The following LRP1B variants were observed in gnomAD, a reference collection of about 807,000 sequenced individuals.
LRP1B encodes LDL receptor related protein 1B, also known as low-density lipoprotein receptor-related protein 1B.
Under a neutral mutation model 556.6 loss-of-function variants are expected in LRP1B, and 217 were observed. The observed-to-expected ratio is 0.39, with a 90% confidence interval of 0.35 to 0.44. The LOEUF (loss-of-function observed/expected upper bound fraction) is 0.44. LRP1B is among the 20% of genes least tolerant of loss of function. The probability of loss-of-function intolerance (pLI) is 1.00; values close to 1 mark genes in which losing one functional copy is unlikely to be tolerated. For missense variants in LRP1B, 5,053 were observed against 5,620.8 expected (o/e 0.90, Z 3.23); for synonymous variants, 2,047 against 1,865.8 (o/e 1.10, Z -2.50).
chr2:141,738,209 GA>G (rs1180994610), intron 2 of LRP1B, among the ~76,000 whole-genome samples: 2 of 151,994 alleles, frequency 1.3e-5, no homozygotes, highest in Non-Finnish European at 2.9e-5. Context: ...AAAAATTAAA[GA>G]AAAAAATTAC....
intron 32 of LRP1B, among the ~76,000 whole-genome samples, chr2:140,793,762 T>C (rs1003135372): frequency 1.3e-5 from 2 of 152,036 alleles, no homozygotes; most frequent in African/African-American, 4.8e-5. Context: ...ACCAAAATAT[T>C]ATGTCATAGC....
In LRP1B at chr2:141,082,696, G is replaced by C. The variant is rs184713371; in HGVS notation, c.1014-20423C>G. ...TCCATGATCAGGTGTGGCAGTAAGGGTAGAATATAGGGTATTACTGGGGTA... is the reference window on the plus strand; with the variant it reads ...TCCATGATCAGGTGTGGCAGTAAGGCTAGAATATAGGGTATTACTGGGGTA... On this transcript the variant is annotated intron_variant, in intron 7 of 90. Transcript: ENST00000389484. Among the ~76,000 whole-genome samples the C allele has an allele frequency of 5.3e-5, 8 of 152,180 alleles. No homozygotes were observed. In the South Asian group the frequency reaches 1.4e-3, roughly 28 times the overall value.
At chr2:141,842,180 T>C (rs1553472267) in intron 1 of LRP1B, among the ~76,000 whole-genome samples, 1 of 152,150 alleles carries the variant, frequency 6.6e-6, no homozygotes, top group Non-Finnish European at 1.5e-5. Context: ...CTTTGGTTTT[T>C]GTATCCTTTC....
intron 3 of LRP1B, among the ~76,000 whole-genome samples, chr2:141,367,281 G>GTCT (rs1477190282): frequency 6.6e-6 from 1 of 151,820 alleles, no homozygotes; most frequent in Non-Finnish European, 1.5e-5. Context: ...TTTTCATTAT[G>GTCT]TCTTCTCTCC....
chr2:141,534,793 G>A (rs765940987), intron 2 of LRP1B, among the ~76,000 whole-genome samples: 3 of 152,110 alleles, frequency 2.0e-5, no homozygotes, highest in Non-Finnish European at 4.4e-5. Context: ...ACTTCAAATA[G>A]GGCATTTTCC....
At chr2:141,683,076 C>A (rs1480188048) in intron 2 of LRP1B, among the ~76,000 whole-genome samples, 2 of 152,092 alleles carry the variant, frequency 1.3e-5, no homozygotes, top group Non-Finnish European at 2.9e-5. Flanking sequence ...TCTTCTGGAG[C>A]CTCCAGAAGG....
intron 7 of LRP1B, among the ~76,000 whole-genome samples, chr2:141,088,613 A>T (rs1700103368): frequency 2.0e-5 from 3 of 152,088 alleles, no homozygotes; most frequent in African/African-American, 7.2e-5. Context: ...ATGCCATAGG[A>T]TGACTACTAT....
chr2:140,585,719 T>C (rs1013016939), intron 43 of LRP1B, among the ~76,000 whole-genome samples: 2 of 152,172 alleles, frequency 1.3e-5, no homozygotes, highest in East Asian at 1.9e-4. Flanking sequence ...ACACCTATAT[T>C]TGGCAATGTC....
At chr2:140,619,741 G>A (rs574037) in intron 41 of LRP1B, among the ~76,000 whole-genome samples, 8 of 151,838 alleles carry the variant, frequency 5.3e-5, no homozygotes, top group Non-Finnish European at 7.4e-5. Flanking sequence ...TATTATTATG[G>A]CAATGCAGAG....
At chr2:140,251,563 G>C (rs1004975554) in intron 86 of LRP1B, among the ~76,000 whole-genome samples, 1 of 151,846 alleles carries the variant, frequency 6.6e-6, no homozygotes, top group African/African-American at 2.4e-5. Context: ...ATTCAAAGGT[G>C]AACCTTAAAG....
chr2:140,635,468 C>T (rs1164389028), intron 41 of LRP1B, among the ~76,000 whole-genome samples: 1 of 151,654 alleles, frequency 6.6e-6, no homozygotes, highest in Non-Finnish European at 1.5e-5. Context: ...TTTTTATATT[C>T]ATTTATTATC....
chr2:140,868,503 G>A (rs895928585), intron 25 of LRP1B, among the ~76,000 whole-genome samples: 6 of 151,990 alleles, frequency 3.9e-5, no homozygotes, highest in Non-Finnish European at 8.8e-5. Context: ...AGAGAGAATA[G>A]CAGGTGACTG....
At chr2:140,770,195 A>C (rs1472365094) in intron 34 of LRP1B, among the ~76,000 whole-genome samples, 1 of 151,926 alleles carries the variant, frequency 6.6e-6, no homozygotes, top group Non-Finnish European at 1.5e-5. Context: ...TAAGTGAATT[A>C]ATACGTTTAA....
At chr2:141,045,597 C>T (rs1698845093) in intron 11 of LRP1B, among the ~76,000 whole-genome samples, 1 of 151,926 alleles carries the variant, frequency 6.6e-6, no homozygotes, top group South Asian at 2.1e-4. Context: ...CAGTACCCTA[C>T]TTTAGTTTCT....
At chr2:141,900,830 TA>T (rs1258399510) in intron 1 of LRP1B, among the ~76,000 whole-genome samples, 1 of 152,076 alleles carries the variant, frequency 6.6e-6, no homozygotes, top group Non-Finnish European at 1.5e-5. Flanking sequence ...AGTCCCTTTA[TA>T]AAAACCTTCT....
intron 2 of LRP1B, among the ~76,000 whole-genome samples, chr2:141,608,481 T>C (rs1687994697): frequency 6.6e-6 from 1 of 152,112 alleles, no homozygotes; most frequent in Admixed American, 6.5e-5. Flanking sequence ...TATTGAGAGA[T>C]CCAGGTCACC....
intron 3 of LRP1B, among the ~76,000 whole-genome samples, chr2:141,277,496 A>C (rs1441794462): frequency 6.6e-6 from 1 of 151,988 alleles, no homozygotes; most frequent in South Asian, 2.1e-4. Flanking sequence ...CTTCAGTGTT[A>C]ACTGTGAATA....
chr2:141,700,161 T>C (rs1477055435), intron 2 of LRP1B, among the ~76,000 whole-genome samples: 1 of 151,568 alleles, frequency 6.6e-6, no homozygotes, highest in Admixed American at 6.6e-5. Flanking sequence ...TCAAGCAAAA[T>C]AGTGTGGTTA....
chr2:141,612,502 TA>T (rs1301172364), intron 2 of LRP1B, among the ~76,000 whole-genome samples: 3 of 152,206 alleles, frequency 2.0e-5, no homozygotes, highest in Non-Finnish European at 2.9e-5. Flanking sequence ...TAAATATTTA[TA>T]ATAACACTTG....
Sources: allele counts gnomAD v4.1 joint callset (sites outside exome capture counted in the v4.1 genomes callset), GRCh38; gene constraint gnomAD v4.1.1; transcripts MANE v1.5; gene names NCBI Gene and HGNC (gene_info 2026-07-23, HGNC 2026-07-21).